Variants in TPRG1 observed in about 807,000 individuals in gnomAD.
The protein encoded by TPRG1 is tumor protein p63-regulated gene 1 protein.
In TPRG1, 29 loss-of-function variants were observed where a neutral mutation model predicts 29.3. That is an observed-to-expected ratio of 0.99 (90% CI 0.74 to 1.35). The LOEUF (loss-of-function observed/expected upper bound fraction) is 1.35, where lower values mean the gene tolerates loss of function less well. TPRG1 is among the 40% of genes most tolerant of loss of function. The pLI, the probability that TPRG1 is intolerant of heterozygous loss-of-function variation, is 0.00. For missense variants in TPRG1, 327 were observed against 335.0 expected (o/e 0.98, Z 0.19); for synonymous variants, 130 against 116.8 (o/e 1.11, Z -0.73).
At chr3:189,051,832 CAT>C (rs961033611) in intron 4 of TPRG1, among the ~76,000 whole-genome samples, 39 of 152,232 alleles carry the variant, frequency 2.6e-4, no homozygotes, top group African/African-American at 9.4e-4. Context: ...CAAACAAAAA[CAT>C]AAAGTGGGGA....
chr3:189,058,314 C>A (rs1715867730), intron 4 of TPRG1, among the ~76,000 whole-genome samples: 1 of 152,210 alleles, frequency 6.6e-6, no homozygotes, highest in African/African-American at 2.4e-5. Flanking sequence ...AAATCCATCT[C>A]TGACATGTTT....
At chr3:189,240,787 T>C (rs562614254) in intron 4 of TPRG1, among the ~76,000 whole-genome samples, 2 of 152,278 alleles carry the variant, frequency 1.3e-5, no homozygotes, top group East Asian at 3.9e-4. Flanking sequence ...TCTGTGTACA[T>C]ATGCCTATAC....
chr3:189,057,981 G>C (rs565580650), intron 4 of TPRG1, among the ~76,000 whole-genome samples: 1 of 151,326 alleles, frequency 6.6e-6, no homozygotes, highest in African/African-American at 2.4e-5. Context: ...ATATATTGTA[G>C]GTTGTGTATA....
At chr3:189,039,290 A>C (rs796540333) in intron 4 of TPRG1, among the ~76,000 whole-genome samples, 7 of 152,320 alleles carry the variant, frequency 4.6e-5, no homozygotes, top group African/African-American at 1.7e-4. Flanking sequence ...AAGAAAGCAA[A>C]GGTTACTTCC....
chr3:189,267,016 A>T (rs921882564), intron 4 of TPRG1, among the ~76,000 whole-genome samples: 6 of 152,116 alleles, frequency 3.9e-5, no homozygotes, highest in African/African-American at 1.4e-4. Context: ...AGGGAAAGAG[A>T]GATAAAATAC....
chr3:189,003,053 G>A (rs1020063379), intron 2 of TPRG1, among the ~76,000 whole-genome samples: 4 of 152,018 alleles, frequency 2.6e-5, no homozygotes, highest in African/African-American at 9.7e-5. Context: ...ATATGAGCTC[G>A]GCTTAACCTG....
intron 4 of TPRG1, among the ~76,000 whole-genome samples, chr3:189,044,160 C>A (rs1714810647): frequency 6.6e-6 from 1 of 151,790 alleles, no homozygotes; most frequent in Non-Finnish European, 1.5e-5. Flanking sequence ...AAAAGACCTG[C>A]AAGTAAATAA....
intron 1 of TPRG1, among the ~76,000 whole-genome samples, chr3:189,206,828 T>TGTGTGTGTGTGTGTGTGTGTGTGTGC (rs1001912347): frequency 1.3e-5 from 2 of 151,782 alleles, no homozygotes; most frequent in African/African-American, 4.8e-5. Context: ...TGTGTGTGTG[T>TGTGTGTGTGTGTGTGTGTGTGTGTGC]GCACGCGTGT....
At chr3:189,273,997 TTGTC>T (rs1287633042) in intron 4 of TPRG1, among the ~76,000 whole-genome samples, 2 of 148,704 alleles carry the variant, frequency 1.3e-5, no homozygotes, top group African/African-American at 5.2e-5. Flanking sequence ...AATGTTGTAT[TTGTC>T]TGGAAGCCAG....
intron 1 of TPRG1, chr3:189,120,113 C>T (rs766596288): frequency 6.6e-6 from 1 of 152,222 alleles, no homozygotes; most frequent in Non-Finnish European, 1.5e-5. Context: ...ATATCAGTAT[C>T]TGTCAGAGGC....
chr3:189,302,093 T>C (rs1720927356), intron 4 of TPRG1, among the ~76,000 whole-genome samples: 1 of 152,194 alleles, frequency 6.6e-6, no homozygotes, highest in Non-Finnish European at 1.5e-5. Flanking sequence ...TCTTATGATT[T>C]CCTGTCTTCA....
intron 3 of TPRG1, among the ~76,000 whole-genome samples, chr3:189,142,487 C>G (rs1025421775): frequency 1.3e-5 from 2 of 152,156 alleles, no homozygotes; most frequent in African/African-American, 4.8e-5. Flanking sequence ...TAAATTCTAT[C>G]TCCTCCTTGT....
chr3:189,158,265 T>C (rs1726964411), intron 5 of TPRG1, among the ~76,000 whole-genome samples: 1 of 152,172 alleles, frequency 6.6e-6, no homozygotes, highest in African/African-American at 2.4e-5. Flanking sequence ...TATTATTCTC[T>C]TTATGCAGCT....
intron 4 of TPRG1, among the ~76,000 whole-genome samples, chr3:189,293,799 G>C (rs1377117343): frequency 6.6e-6 from 1 of 152,108 alleles, no homozygotes; most frequent in African/African-American, 2.4e-5. Context: ...GCTCCTAACT[G>C]TTCTCCCTTG....
intron 1 of TPRG1, among the ~76,000 whole-genome samples, chr3:189,192,440 T>G (rs1218345923): frequency 6.6e-6 from 1 of 152,218 alleles, no homozygotes; most frequent in African/African-American, 2.4e-5. Flanking sequence ...AAGGAGCTCA[T>G]GTACTAGTGA....
intron 4 of TPRG1, among the ~76,000 whole-genome samples, chr3:189,242,034 A>G (rs1740695992): frequency 6.6e-6 from 1 of 152,114 alleles, no homozygotes; most frequent in Admixed American, 6.6e-5. Flanking sequence ...TATAATTATA[A>G]AGTAAATTTC....
chr3:189,314,668 T>A (rs932866754), intron 5 of TPRG1, among the ~76,000 whole-genome samples: 2 of 148,644 alleles, frequency 1.3e-5, no homozygotes, highest in African/African-American at 4.9e-5. Context: ...AGTAGCTTTT[T>A]GGCACTGCTT....
chr3:189,122,850 GA>G, intron 1 of TPRG1, among the ~76,000 whole-genome samples: 2 of 152,270 alleles, frequency 1.3e-5, no homozygotes, highest in African/African-American at 4.8e-5. Flanking sequence ...TTTAACAAAT[GA>G]AAAAATTGAG....
rs184694071 is a variant in TPRG1, at chr3:189,321,881, A to G, written c.*1061A>G. ...CAGAGGTGCTGCATATGGAATGTCC[A>G]TGGATCGCAGAGGGTTTTGAAGACC... On this transcript the variant is annotated 3_prime_UTR_variant, in exon 6 of 6. Transcript: ENST00000345063. The G allele has an allele frequency of 5.3e-5, 8 of 152,238 alleles. No individual in the cohort carries two copies. The highest frequency in any genetic ancestry group is 4.6e-4 in the Admixed American group (7 of 15,276). 9.4% of individuals were successfully genotyped at this position (152,238 alleles called of 1,614,324 possible).
Sources: allele counts gnomAD v4.1 joint callset (sites outside exome capture counted in the v4.1 genomes callset), GRCh38; gene constraint gnomAD v4.1.1; transcripts MANE v1.5; gene names NCBI Gene and HGNC (gene_info 2026-07-23, HGNC 2026-07-21).